RSU1: variants seen among roughly 807,000 people sequenced by gnomAD.
RSU1 encodes the protein Ras suppressor protein 1.
A neutral mutation model predicts 31.1 loss-of-function variants in RSU1; 26 were observed. That is an observed-to-expected ratio of 0.84 (90% CI 0.61 to 1.16). The LOEUF is 1.16. Ranked by LOEUF, RSU1 falls within the 50% of genes most tolerant of loss-of-function variation. RSU1 has a pLI of 0.00. For missense variants in RSU1, 320 were observed against 339.1 expected (o/e 0.94, Z 0.44); for synonymous variants, 164 against 136.3 (o/e 1.20, Z -1.41).
intron 7 of RSU1, among the ~76,000 whole-genome samples, chr10:16,718,069 T>A (rs1346591385): frequency 7.2e-6 from 1 of 139,710 alleles, no homozygotes. Flanking sequence ...TTTTCAAATG[T>A]GAAGGTGTTT....
At chr10:16,702,218 G>A (rs910888043) in intron 7 of RSU1, among the ~76,000 whole-genome samples, 3 of 152,234 alleles carry the variant, frequency 2.0e-5, no homozygotes, top group African/African-American at 7.2e-5. Context: ...GCCTGCTGCA[G>A]GGGCAGAGCC....
intron 8 of RSU1, among the ~76,000 whole-genome samples, chr10:16,608,765 A>G (rs1206018131): frequency 1.3e-5 from 2 of 151,942 alleles, no homozygotes; most frequent in Non-Finnish European, 2.9e-5. Context: ...AAAAATCCTG[A>G]AAAAGAATGA....
intron 8 of RSU1, among the ~76,000 whole-genome samples, chr10:16,689,563 A>C (rs1835501496): frequency 6.6e-6 from 1 of 152,254 alleles, no homozygotes; most frequent in Non-Finnish European, 1.5e-5. Flanking sequence ...AACAATGTGA[A>C]AAACAATAAC....
chr10:16,739,112 T>C (rs561446578), intron 7 of RSU1, among the ~76,000 whole-genome samples: 1 of 152,202 alleles, frequency 6.6e-6, no homozygotes, highest in Non-Finnish European at 1.5e-5. Context: ...AGTCTATCAT[T>C]GATGGGCATT....
At chr10:16,755,085 A>AC in intron 4 of RSU1, 96 bp from the exon 5 acceptor site, 1 of 689,134 alleles carries the variant, frequency 1.5e-6, no homozygotes, top group East Asian at 2.6e-5. Context: ...AAAGTGTAAG[A>AC]CAGTGCCATG....
intron 8 of RSU1, among the ~76,000 whole-genome samples, chr10:16,613,510 T>C (rs1203451852): frequency 6.6e-6 from 1 of 152,230 alleles, no homozygotes; most frequent in African/African-American, 2.4e-5. Flanking sequence ...ATCTTTCGTT[T>C]TGATTAGACT....
chr10:16,777,961 G>A (rs1345537989), intron 3 of RSU1, among the ~76,000 whole-genome samples: 1 of 151,562 alleles, frequency 6.6e-6, no homozygotes, highest in Non-Finnish European at 1.5e-5. Context: ...ATCATTCCTT[G>A]GCTCTATGAT....
intron 2 of RSU1, among the ~76,000 whole-genome samples, chr10:16,794,275 T>C (rs1253592207): frequency 6.6e-6 from 1 of 152,210 alleles, no homozygotes; most frequent in Non-Finnish European, 1.5e-5. Flanking sequence ...ATATTGCCTA[T>C]GGATTCTGTT....
intron 7 of RSU1, among the ~76,000 whole-genome samples, chr10:16,705,278 C>A (rs1835874504): frequency 6.6e-6 from 1 of 152,008 alleles, no homozygotes; most frequent in African/African-American, 2.4e-5. Context: ...GTTCCAGGAC[C>A]CCTGTGGATG....
intron 8 of RSU1, among the ~76,000 whole-genome samples, chr10:16,624,968 C>T (rs1834130577): frequency 6.6e-6 from 1 of 152,014 alleles, no homozygotes; most frequent in Non-Finnish European, 1.5e-5. Context: ...AAATAAAGAC[C>T]CACCTTTCCA....
At position 16,752,490 on chromosome 10, in the gene RSU1, A is replaced by T. The variant is rs184253969; in HGVS notation, c.598+49T>A. 43 of 1,368,412 alleles carry T rather than the reference A, an allele frequency of 3.1e-5. No individual in the cohort carries two copies. In the African/African-American group the frequency reaches 4.1e-4, roughly 13 times the overall value. 84.8% of individuals were successfully genotyped at this position (1,368,412 alleles called of 1,614,324 possible). On this transcript the variant is annotated intron_variant, in intron 7 of 8. Transcript: ENST00000345264. The stretch of plus-strand genomic sequence containing the variant: ...TGTTCAGAATTGCTACATTAGGATA[A>T]TTGTTATTCATGAAACCCAGAACTA...
At chr10:16,671,383 G>T (rs901999593) in intron 8 of RSU1, among the ~76,000 whole-genome samples, 1 of 152,116 alleles carries the variant, frequency 6.6e-6, no homozygotes, top group African/African-American at 2.4e-5. Context: ...GATGTTTGAG[G>T]CTTTGTTCTA....
intron 2 of RSU1, among the ~76,000 whole-genome samples, chr10:16,787,002 C>T (rs1161287765): frequency 6.6e-6 from 1 of 152,136 alleles, no homozygotes; most frequent in Admixed American, 6.5e-5. Flanking sequence ...GGATCGATGC[C>T]TTACACCTGG....
At chr10:16,644,647 T>C (rs938035655) in intron 8 of RSU1, among the ~76,000 whole-genome samples, 6 of 152,098 alleles carry the variant, frequency 3.9e-5, no homozygotes, top group African/African-American at 1.4e-4. Flanking sequence ...CTGCCACACA[T>C]AGCGCAGTGT....
chr10:16,699,022 G>GA (rs998571951), intron 7 of RSU1, among the ~76,000 whole-genome samples: 9 of 151,600 alleles, frequency 5.9e-5, no homozygotes, highest in African/African-American at 1.2e-4. Flanking sequence ...GTTCCCTGGG[G>GA]AAAAAAAAGA....
At chr10:16,740,606 A>G (rs981218719) in intron 7 of RSU1, among the ~76,000 whole-genome samples, 2 of 152,226 alleles carry the variant, frequency 1.3e-5, no homozygotes, top group Non-Finnish European at 2.9e-5. Context: ...AATGAGAATA[A>G]CTGAGTTCAT....
intron 8 of RSU1, among the ~76,000 whole-genome samples, chr10:16,681,305 G>T (rs1340921708): frequency 6.6e-6 from 1 of 152,134 alleles, no homozygotes; most frequent in Non-Finnish European, 1.5e-5. Flanking sequence ...TCATAAAATT[G>T]CTCTGGTGCT....
chr10:16,772,993 G>A (rs1837453084), intron 3 of RSU1, among the ~76,000 whole-genome samples: 1 of 152,154 alleles, frequency 6.6e-6, no homozygotes, highest in African/African-American at 2.4e-5. Flanking sequence ...GATTGCTGGA[G>A]CCCAGGAGTT....
chr10:16,746,811 A>G (rs1395098954), intron 7 of RSU1, among the ~76,000 whole-genome samples: 1 of 152,054 alleles, frequency 6.6e-6, no homozygotes, highest in Admixed American at 6.5e-5. Flanking sequence ...AATATATAAA[A>G]GAACAAAAAA....
Sources: gnomAD v4.1 joint callset for allele counts (sites outside exome capture counted in the v4.1 genomes callset) on GRCh38, gnomAD v4.1.1 for gene constraint, MANE v1.5 for transcripts, NCBI Gene and HGNC (gene_info 2026-07-23, HGNC 2026-07-21) for gene names.